Variants in MACF1 observed in about 807,000 individuals in gnomAD.
The protein encoded by MACF1 is microtubule actin crosslinking factor 1.
A neutral mutation model predicts 854.8 loss-of-function variants in MACF1; 193 were observed. The ratio of observed to expected loss-of-function variants is 0.23; its 90% CI spans 0.20 to 0.25. The LOEUF (loss-of-function observed/expected upper bound fraction) is 0.25, where lower values mean the gene tolerates loss of function less well. MACF1 is among the 10% of genes least tolerant of loss of function. The probability of loss-of-function intolerance (pLI) is 1.00; values close to 1 mark genes in which losing one functional copy is unlikely to be tolerated. For missense variants in MACF1, 7,722 were observed against 8,929.1 expected (o/e 0.86, Z 5.45); for synonymous variants, 3,185 against 3,226.7 (o/e 0.99, Z 0.44).
chr1:39,336,496 A>C lies in MACF1; in HGVS notation c.9908A>C (p.Lys3303Thr), dbSNP rs17570718. 0.016 allele frequency: 26,530 copies of C among 1,614,188 alleles called. 284 individuals are homozygous for C. The highest frequency in any genetic ancestry group is 0.028 in the South Asian group (2,575 of 91,088). The change falls in exon 37 of 101, where the codon AAG becomes ACG. Residue 3303 changes from lysine (K) to threonine (T), a missense_variant. Around this residue, in one of 15 missense-constraint regions of MACF1, gnomAD observed 854 missense variants for 852.6 expected, o/e 1.00. Transcript: ENST00000564288. ...SPTVLETSEE[K>T]TVSLTVCSAV... ...ACTGTTCTAGAGACCAGTGAAGAAAAGACAGTGTCCCTAACAGTATGCTCT... is the reference window on the plus strand; with the variant it reads ...ACTGTTCTAGAGACCAGTGAAGAAACGACAGTGTCCCTAACAGTATGCTCT...
Position 39,250,031 on chromosome 1 carries a change from T to C in MACF1, c.189T>C (p.Asn63=), listed in dbSNP as rs932382574. The change falls in exon 3 of 101, where the codon AAT becomes AAC. Residue 63 remains asparagine, a synonymous_variant. Coordinates refer to ENST00000564288, the MANE Select transcript of MACF1 (RefSeq NM_001394062.1). ...KHLMKVRKHI[N]DLYEDLRDGH... Reference sequence around the variant, plus strand: ...ATTCACAGGTCCGCAAGCACATCAATGATCTTTATGAAGATCTGCGGGATG... The same window carrying C: ...ATTCACAGGTCCGCAAGCACATCAACGATCTTTATGAAGATCTGCGGGATG... 9.3e-6 allele frequency: 15 copies of C among 1,611,796 alleles called. No homozygotes were observed. Among genetic ancestry groups the C allele is most frequent in the Admixed American group, 1.7e-5 (1 of 59,892 alleles).
intron 2 of MACF1, among the ~76,000 whole-genome samples, chr1:39,101,507 G>A (rs539820586): frequency 2.0e-4 from 30 of 151,588 alleles, no homozygotes; most frequent in Non-Finnish European, 3.2e-4. Context: ...GGGATTACAG[G>A]TGTGAGCCAC....
In MACF1 at chr1:39,336,479, A is replaced by G; in HGVS notation, c.9891A>G (p.Leu3297=). 1 of 1,614,096 alleles carries G rather than the reference A, an allele frequency of 6.2e-7. No individual in the cohort carries two copies. Among genetic ancestry groups the G allele is most frequent in the Non-Finnish European group, 8.5e-7 (1 of 1,179,928 alleles). Reference sequence around the variant, plus strand: ...ATGCCATCATTAGTCCTACTGTTCTAGAGACCAGTGAAGAAAAGACAGTGT... The same window carrying G: ...ATGCCATCATTAGTCCTACTGTTCTGGAGACCAGTGAAGAAAAGACAGTGT... ...QQNAIISPTV[L]ETSEEKTVSL... Residue 3297 remains leucine, a synonymous_variant, in exon 37 of 101, where the codon CTA becomes CTG. Coordinates refer to ENST00000564288, the MANE Select transcript of MACF1 (RefSeq NM_001394062.1).
chr1:39,095,561 CAAAAAAAA>C (rs34021324), intron 2 of MACF1, among the ~76,000 whole-genome samples: 17 of 55,856 alleles, frequency 3.0e-4, no homozygotes, highest in South Asian at 2.5e-3. Context: ...GACTCTGTCT[CAAAAAAAA>C]AAAAAAAAAA....
chr1:39,483,107 A>C (rs1245719400), intron 99 of MACF1, among the ~76,000 whole-genome samples: 1 of 122,410 alleles, frequency 8.2e-6, no homozygotes, highest in Non-Finnish European at 1.6e-5. Context: ...AAAAAAAAAA[A>C]AAAAACACCC....
chr1:39,477,459 G>A (rs912391396), intron 97 of MACF1, among the ~76,000 whole-genome samples: 13 of 151,996 alleles, frequency 8.6e-5, no homozygotes, highest in Admixed American at 8.5e-4. Flanking sequence ...CTGGGCTCGA[G>A]CAGTCTGCCC....
At chr1:39,389,537 T>C (rs1021696891) in intron 58 of MACF1, among the ~76,000 whole-genome samples, 1 of 151,844 alleles carries the variant, frequency 6.6e-6, no homozygotes, top group South Asian at 2.1e-4. Context: ...TTTTTATATT[T>C]TTAGTAGAGA....
intron 5 of MACF1, among the ~76,000 whole-genome samples, chr1:39,255,882 A>G (rs577263089): frequency 2.0e-5 from 3 of 152,342 alleles, no homozygotes; most frequent in East Asian, 3.9e-4. Flanking sequence ...TTGATTAGCT[A>G]GAAGTCTAAA....
intron 66 of MACF1, 50 bp from the exon 67 acceptor site, chr1:39,432,485 G>T: frequency 6.3e-7 from 1 of 1,589,180 alleles, no homozygotes. Context: ...CAGTTATGTG[G>T]AGACTTGGCT....
rs1306559316 is a variant in MACF1, at chr1:39,393,192, AAAAAAT to A, written c.15816+4536_15816+4541del. Among the ~76,000 whole-genome samples, 412 of 84,598 alleles carry A rather than the reference AAAAAAT, an allele frequency of 4.9e-3. 6 individuals carry two copies. The Middle Eastern group carries it at 0.049, about 10-fold the overall frequency. The allele number at this position is 84,598 out of a possible 152,430, so 55.5% of individuals were successfully genotyped here. On this transcript the variant is annotated intron_variant, in intron 58 of 100. Coordinates refer to ENST00000564288, the MANE Select transcript of MACF1 (RefSeq NM_001394062.1). The stretch of plus-strand genomic sequence containing the variant: ...CTTCCTGGGAAGGGTAAAAAAAAAA[AAAAAAT>A]ATATATATATATATATATATATATA...
chr1:39,422,676 AT>A lies in MACF1; in HGVS notation c.15979-51del, dbSNP rs1434922477. 1.4e-4 allele frequency: 220 copies of A among 1,577,534 alleles called. 1 individual carries two copies. The African/African-American group carries it at 2.4e-3, about 17-fold the overall frequency. On this transcript the variant is annotated intron_variant, in intron 59 of 100. Transcript: ENST00000564288. ...TAATTACTAAAAGAGGTCAGTAGTA[AT>A]TTGAAAACTACTTTCTCCGTTCTCA...
rs373291101 is a variant in MACF1, at chr1:39,410,832, A to G, written c.15817-11542A>G. The G allele has an allele frequency of 9.5e-5, 154 of 1,614,030 alleles. No individual in the cohort carries two copies. The African/African-American group carries it at 1.4e-3, about 15-fold the overall frequency. The stretch of plus-strand genomic sequence containing the variant: ...ATTTGGACCACAGGGAACCTCAGTC[A>G]GAGTCAGTAACTCTGGAACATGTGT... On this transcript the variant is annotated intron_variant, in intron 58 of 100. Transcript: ENST00000564288.
intron 49 of MACF1, among the ~76,000 whole-genome samples, chr1:39,367,947 A>G (rs916761125): frequency 5.3e-5 from 8 of 150,474 alleles, no homozygotes; most frequent in African/African-American, 2.0e-4. Flanking sequence ...TCCAGCCTGG[A>G]TGACAGGAGT....
At chr1:39,195,806 T>C (rs750382200) in intron 2 of MACF1, among the ~76,000 whole-genome samples, 61 of 152,206 alleles carry the variant, frequency 4.0e-4, no homozygotes, top group Non-Finnish European at 7.2e-4. Flanking sequence ...TATTAAGCAT[T>C]TAAAATGTGC....
At chr1:39,337,420 G>A in intron 38 of MACF1, 89 bp downstream of exon 38, 1 of 1,335,814 alleles carries the variant, frequency 7.5e-7, no homozygotes. Context: ...ACTAGAACCT[G>A]CTTGCACTCT....
intron 33 of MACF1, among the ~76,000 whole-genome samples, chr1:39,323,281 G>T (rs1297803461): frequency 1.3e-5 from 2 of 152,034 alleles, no homozygotes; most frequent in African/African-American, 4.8e-5. Flanking sequence ...AGTTGAGGCT[G>T]CAGTGACCAT....
chr1:39,434,677 C>G, intron 69 of MACF1, 45 bp downstream of exon 69: 1 of 1,544,330 alleles, frequency 6.5e-7, no homozygotes, highest in East Asian at 2.3e-5. Flanking sequence ...AAAATGGTCT[C>G]TATAATTTAT....
intron 6 of MACF1, among the ~76,000 whole-genome samples, chr1:39,274,242 A>G (rs1645389491): frequency 6.6e-6 from 1 of 151,842 alleles, no homozygotes; most frequent in Admixed American, 6.6e-5. Context: ...AAATTAAAAA[A>G]TAAAATTGTA....
Position 39,422,846 on chromosome 1 carries a change from G to T in MACF1, c.16095G>T (p.Gln5365His). 2 of 1,614,190 alleles carry T rather than the reference G, an allele frequency of 1.2e-6. No individual in the cohort carries two copies. The highest frequency in any genetic ancestry group is 1.7e-6 in the Non-Finnish European group (2 of 1,180,038). The change falls in exon 60 of 101, where the codon CAG becomes CAT. Residue 5365 changes from glutamine to histidine, a missense_variant. By Grantham distance (24) the Gln-to-His change is conservative. Around this residue, in one of 15 missense-constraint regions of MACF1, gnomAD observed 2,807 missense variants for 3,235.8 expected, o/e 0.87. Transcript: ENST00000564288. ...LADTEELIAN[Q>H]KPPSAEYKVV... is the part of the protein sequence containing the mutation. Reference sequence around the variant, plus strand: ...ATACCGAGGAGCTCATAGCCAATCAGAAACCTCCATCTGCTGAGTATAAAG... The same window carrying T: ...ATACCGAGGAGCTCATAGCCAATCATAAACCTCCATCTGCTGAGTATAAAG...
Sources: allele counts gnomAD v4.1 joint callset (sites outside exome capture counted in the v4.1 genomes callset), GRCh38; gene constraint gnomAD v4.1.1; regional missense constraint gnomAD v4.1.1; transcripts MANE v1.5; gene names NCBI Gene and HGNC (gene_info 2026-07-23, HGNC 2026-07-21).